The following C1orf141 variants were observed in gnomAD, a reference collection of about 807,000 sequenced individuals.
The protein encoded by C1orf141 is chromosome 1 open reading frame 141, also known as uncharacterized protein C1orf141.
A neutral mutation model predicts 23.2 loss-of-function variants in C1orf141; 19 were observed. That is an observed-to-expected ratio of 0.82 (90% CI 0.57 to 1.20). C1orf141 has a LOEUF of 1.20. Ranked by LOEUF, C1orf141 falls within the 50% of genes most tolerant of loss-of-function variation. The pLI is 0.00. For missense variants in C1orf141, 469 were observed against 455.1 expected (o/e 1.03, Z -0.28); for synonymous variants, 153 against 154.6 (o/e 0.99, Z 0.08).
At chr1:67,097,071 A>G (rs1259760669) in intron 5 of C1orf141, among the ~76,000 whole-genome samples, 2 of 152,118 alleles carry the variant, frequency 1.3e-5, no homozygotes, top group East Asian at 3.9e-4. Context: ...TCAATAAACA[A>G]GTAAACAAGG....
At chr1:67,098,087 C>G (rs1023246812) in intron 5 of C1orf141, among the ~76,000 whole-genome samples, 2 of 152,184 alleles carry the variant, frequency 1.3e-5, no homozygotes, top group East Asian at 3.8e-4. Flanking sequence ...CAGACGAATT[C>G]CATTCACAAC....
At chr1:67,126,660 A>G (rs1293296943) in intron 3 of C1orf141, among the ~76,000 whole-genome samples, 1 of 152,194 alleles carries the variant, frequency 6.6e-6, no homozygotes, top group Admixed American at 6.5e-5. Context: ...GAAAGAAGGG[A>G]AATAACTGAG....
chr1:67,133,228 T>G (rs1341570294), intron 1 of C1orf141, among the ~76,000 whole-genome samples: 2 of 152,186 alleles, frequency 1.3e-5, no homozygotes, highest in African/African-American at 2.4e-5. Flanking sequence ...TCAGGAAAAC[T>G]AAGAATCTCT....
At chr1:67,128,349 C>T (rs1405377495) in intron 2 of C1orf141, among the ~76,000 whole-genome samples, 1 of 150,386 alleles carries the variant, frequency 6.6e-6, no homozygotes. Flanking sequence ...CAACCCAAAG[C>T]TCCCTTTATT....
intron 3 of C1orf141, among the ~76,000 whole-genome samples, chr1:67,126,242 T>C (rs1014185619): frequency 6.6e-6 from 1 of 152,148 alleles, no homozygotes; most frequent in Non-Finnish European, 1.5e-5. Context: ...CTTGGAACCA[T>C]AGTAGGCATG....
upstream of C1orf141, among the ~76,000 whole-genome samples, chr1:67,136,550 A>G (rs1238898342): frequency 1.3e-5 from 2 of 152,234 alleles, no homozygotes; most frequent in African/African-American, 4.8e-5. Context: ...TCTTCAGTCA[A>G]TAAAATTTGT....
intron 4 of C1orf141, among the ~76,000 whole-genome samples, chr1:67,125,388 T>C (rs1363853863): frequency 6.6e-6 from 1 of 152,144 alleles, no homozygotes; most frequent in Non-Finnish European, 1.5e-5. Context: ...AAGACAGATA[T>C]AAAGTAATGT....
At chr1:67,132,272 C>A (rs2024824) in intron 1 of C1orf141, among the ~76,000 whole-genome samples, 1 of 152,100 alleles carries the variant, frequency 6.6e-6, no homozygotes, top group African/African-American at 2.4e-5. Context: ...GTAATCCCAG[C>A]ACTTCAGGAA....
At chr1:67,111,503 G>T in intron 5 of C1orf141, 1 of 531,724 alleles carries the variant, frequency 1.9e-6, no homozygotes, top group Non-Finnish European at 3.1e-6. Flanking sequence ...TGGATTTGTA[G>T]GAGCATATAT....
intron 4 of C1orf141, chr1:67,123,621 A>G (rs1483539926): frequency 6.6e-6 from 1 of 152,208 alleles, no homozygotes; most frequent in Non-Finnish European, 1.5e-5. Context: ...AGGGTGTTCT[A>G]TAACTCACTG....
At chr1:67,115,885 T>A (rs1047466646) in intron 4 of C1orf141, among the ~76,000 whole-genome samples, 3 of 152,194 alleles carry the variant, frequency 2.0e-5, no homozygotes, top group African/African-American at 4.8e-5. Flanking sequence ...ATTATCCTCC[T>A]CTAAATTACT....
intron 5 of C1orf141, among the ~76,000 whole-genome samples, chr1:67,112,639 T>C (rs1047310187): frequency 6.6e-6 from 1 of 152,040 alleles, no homozygotes; most frequent in African/African-American, 2.4e-5. Flanking sequence ...AGGTCGAAGC[T>C]GCAGTGAGCC....
At chr1:67,136,453 G>C (rs1452689414), upstream of C1orf141, among the ~76,000 whole-genome samples, 2 of 152,170 alleles carry the variant, frequency 1.3e-5, no homozygotes, top group Non-Finnish European at 2.9e-5. Context: ...GTCTAAGATT[G>C]TTGTAATACC....
At chr1:67,113,601 G>A (rs2102462298) in intron 5 of C1orf141, 1 of 609,154 alleles carries the variant, frequency 1.6e-6, no homozygotes, top group Non-Finnish European at 2.4e-6. Context: ...TTGACCTCAA[G>A]TGATCCACTT....
intron 2 of C1orf141, among the ~76,000 whole-genome samples, chr1:67,129,368 A>C (rs1398987727): frequency 1.3e-5 from 2 of 152,070 alleles, no homozygotes; most frequent in African/African-American, 4.8e-5. Flanking sequence ...AGGTGGGAGA[A>C]TCAAAAGGAT....
At chr1:67,106,158 C>T (rs1645922454) in intron 5 of C1orf141, among the ~76,000 whole-genome samples, 1 of 152,132 alleles carries the variant, frequency 6.6e-6, no homozygotes, top group Non-Finnish European at 1.5e-5. Flanking sequence ...AGAACAAAAA[C>T]ATCAATAATT....
intron 3 of C1orf141, 23 bp from the exon 4 acceptor site, chr1:67,125,932 A>T: frequency 1.6e-6 from 2 of 1,222,300 alleles, no homozygotes; most frequent in Non-Finnish European, 1.1e-6. Flanking sequence ...CAAAGTGAAA[A>T]AAAAAAAAAA....
At chr1:67,095,530 C>T (rs1645656905) in intron 6 of C1orf141, 109 bp from the exon 7 acceptor site, 3 of 610,004 alleles carry the variant, frequency 4.9e-6, no homozygotes, top group Non-Finnish European at 8.2e-6. Flanking sequence ...CTGCACCAAC[C>T]TCTCTCCCAC....
At chr1:67,110,334 A>G (rs1646040333) in intron 5 of C1orf141, among the ~76,000 whole-genome samples, 2 of 152,056 alleles carry the variant, frequency 1.3e-5, no homozygotes, top group Non-Finnish European at 2.9e-5. Flanking sequence ...AATAGAAGAA[A>G]GGAAAAAAGT....
Sources: allele counts gnomAD v4.1 joint callset (sites outside exome capture counted in the v4.1 genomes callset), GRCh38; gene constraint gnomAD v4.1.1; transcripts MANE v1.5; gene names NCBI Gene and HGNC (gene_info 2026-07-23, HGNC 2026-07-21).